Variants in C12orf76 observed in about 807,000 individuals in gnomAD.
C12orf76 encodes the protein uncharacterized protein C12orf76.
Under a neutral mutation model 6.8 loss-of-function variants are expected in C12orf76, and 6 were observed. The observed-to-expected ratio is 0.88, with a 90% CI of 0.48 to 1.73. The LOEUF (loss-of-function observed/expected upper bound fraction) is 1.73. C12orf76 is among the 40% of genes most tolerant of loss of function. The pLI, the probability that C12orf76 is intolerant of heterozygous loss-of-function variation, is 0.01. For synonymous variants in C12orf76, 56 were observed against 43.7 expected (o/e 1.28, Z -1.11); for missense variants, 99 against 98.2 (o/e 1.01, Z -0.03).
At chr12:110,071,054 C>T (rs1412161518), upstream of C12orf76, among the ~76,000 whole-genome samples, 2 of 152,212 alleles carry the variant, frequency 1.3e-5, no homozygotes, top group African/African-American at 4.8e-5. Flanking sequence ...GGATTACAGG[C>T]ATGAGCCACC....
At chr12:110,049,905 T>G (rs1593245148), upstream of C12orf76, 1 of 144,502 alleles carries the variant, frequency 6.9e-6, no homozygotes, top group Middle Eastern at 3.6e-3. Context: ...ATGCAGCCCC[T>G]GTCACGTACC....
chr12:110,055,012 A>G (rs1892645223), intron 4 of C12orf76, among the ~76,000 whole-genome samples: 1 of 152,164 alleles, frequency 6.6e-6, no homozygotes, highest in Non-Finnish European at 1.5e-5. Context: ...AATGAGATGA[A>G]GGATGAGTTT....
chr12:110,051,242 C>G (rs1219762709), upstream of C12orf76: 1 of 757,666 alleles, frequency 1.3e-6, no homozygotes, highest in Admixed American at 1.8e-5. Context: ...CAGGCCACTT[C>G]CGTTCCAATC....
chr12:110,049,237 A>G (rs980787312), upstream of C12orf76: 2 of 152,254 alleles, frequency 1.3e-5, no homozygotes, highest in African/African-American at 4.8e-5. Context: ...AAGTGAAACC[A>G]AAGACGGGCA....
At chr12:110,051,576 G>A (rs1323798576), upstream of C12orf76, among the ~76,000 whole-genome samples, 3 of 152,010 alleles carry the variant, frequency 2.0e-5, no homozygotes, top group East Asian at 1.9e-4. Context: ...ACAGGCGCAC[G>A]CCACCACACC....
At position 110,048,500 on chromosome 12, in the gene C12orf76, C is replaced by T; in HGVS notation, c.-5G>A. 4 of 1,428,500 alleles carry T rather than the reference C, an allele frequency of 2.8e-6. No individual in the cohort carries two copies. The highest frequency in any genetic ancestry group is 3.7e-6 in the Non-Finnish European group (4 of 1,091,564). 88.5% of individuals were successfully genotyped at this position (1,428,500 alleles called of 1,614,324 possible). A position where few individuals can be genotyped will look rare whatever the true frequency, so the allele number is the denominator to read the frequency against. On this transcript the variant is annotated 5_prime_UTR_variant, in exon 1 of 2. Transcript: ENST00000615315. ...CGGTAACGCTGGACGCAGCATCTTCCCCAGCCCTGCAGAAGCAGAGAGGCC... is the reference window on the plus strand; with the variant it reads ...CGGTAACGCTGGACGCAGCATCTTCTCCAGCCCTGCAGAAGCAGAGAGGCC...
intron 2 of C12orf76, among the ~76,000 whole-genome samples, chr12:110,065,164 A>T (rs1021387443): frequency 4.6e-5 from 7 of 151,586 alleles, no homozygotes; most frequent in Admixed American, 3.3e-4. Context: ...ATGTGCATAT[A>T]TATATATACA....
chr12:110,043,117 C>T (rs1892359252), intron 1 of C12orf76, among the ~76,000 whole-genome samples: 1 of 151,748 alleles, frequency 6.6e-6, no homozygotes, highest in African/African-American at 2.4e-5. Context: ...TGAGGCTCTG[C>T]AGGGAGCATG....
At chr12:110,065,733 G>C in intron 2 of C12orf76, 1 of 1,541,550 alleles carries the variant, frequency 6.5e-7, no homozygotes, top group Non-Finnish European at 9.0e-7. Context: ...AGAGCTTCTA[G>C]AAACATGAGT....
upstream of C12orf76, among the ~76,000 whole-genome samples, chr12:110,051,460 T>C (rs935381026): frequency 6.6e-6 from 1 of 151,942 alleles, no homozygotes; most frequent in African/African-American, 2.4e-5. Flanking sequence ...GGAGTCTTGC[T>C]CTGTCGCCCA....
At chr12:110,065,176 ATT>A (rs977683622) in intron 2 of C12orf76, among the ~76,000 whole-genome samples, 2 of 144,708 alleles carry the variant, frequency 1.4e-5, no homozygotes. Context: ...ATATATACAC[ATT>A]TTTTTTTTTT....
At chr12:110,053,400 G>A (rs1320940157), upstream of C12orf76, among the ~76,000 whole-genome samples, 1 of 152,176 alleles carries the variant, frequency 6.6e-6, no homozygotes, top group Non-Finnish European at 1.5e-5. Flanking sequence ...TCCGGAGGCT[G>A]AGGCAGGAGA....
At chr12:110,064,487 C>T (rs1892826555) in intron 2 of C12orf76, among the ~76,000 whole-genome samples, 1 of 152,096 alleles carries the variant, frequency 6.6e-6, no homozygotes, top group Non-Finnish European at 1.5e-5. Flanking sequence ...AGAATGGAAC[C>T]CAGCACATGC....
At chr12:110,071,762 C>T (rs998786992), upstream of C12orf76, among the ~76,000 whole-genome samples, 1 of 152,106 alleles carries the variant, frequency 6.6e-6, no homozygotes, top group Non-Finnish European at 1.5e-5. Context: ...CAATGAACTA[C>T]CACTGCACAC....
chr12:110,061,686 G>A (rs1205404317), intron 2 of C12orf76, among the ~76,000 whole-genome samples: 2 of 151,870 alleles, frequency 1.3e-5, no homozygotes, highest in Non-Finnish European at 2.9e-5. Flanking sequence ...ACAGGCATCT[G>A]CCCCCACGCT....
Position 110,044,961 on chromosome 12 carries a change from G to A in C12orf76, c.134-2502C>T, listed in dbSNP as rs573140436. Among the ~76,000 whole-genome samples, 17 of 152,058 alleles carry A rather than the reference G, an allele frequency of 1.1e-4. No individual in the cohort carries two copies. In the South Asian group the frequency reaches 2.7e-3, roughly 24 times the overall value. ...GCACTCCAGCCTGGGCAACAAGAGC[G>A]AAACTCCGTCTCAAAATAAAAAAAA... On this transcript the variant is annotated intron_variant, in intron 1 of 1. Coordinates refer to ENST00000615315, the MANE Select transcript of C12orf76 (RefSeq NM_001389625.1).
At chr12:110,066,106 G>A in intron 1 of C12orf76, 1 of 1,412,426 alleles carries the variant, frequency 7.1e-7, no homozygotes, top group Non-Finnish European at 9.2e-7. Context: ...TCAGGGGCAG[G>A]CCGGGCGCGG....
chr12:110,056,040 T>A (rs1356492029), intron 4 of C12orf76, among the ~76,000 whole-genome samples: 1 of 144,600 alleles, frequency 6.9e-6, no homozygotes, highest in South Asian at 2.2e-4. Flanking sequence ...GCCATTGCAC[T>A]CCAGCCTGGG....
In C12orf76 at chr12:110,041,920, T is replaced by TAA. The variant is rs202140938; in HGVS notation, c.*452_*453dup. 8 of 159,492 alleles carry TAA rather than the reference T, an allele frequency of 5.0e-5. No homozygotes were observed. Among genetic ancestry groups the TAA allele is most frequent in the East Asian group, 3.4e-4 (2 of 5,906 alleles). The allele number at this position is 159,492 out of a possible 1,614,324, so 9.9% of individuals were successfully genotyped here. On this transcript the variant is annotated 3_prime_UTR_variant, in exon 2 of 2. Transcript: ENST00000615315. The stretch of plus-strand genomic sequence containing the variant: ...CATTCTAGGCTAACTCAGGTGAGAT[T>TAA]AAAAAAAAAAATCTGTGATTCTTAA...
Sources: gnomAD v4.1 joint callset for allele counts (sites outside exome capture counted in the v4.1 genomes callset) on GRCh38, gnomAD v4.1.1 for gene constraint, MANE v1.5 for transcripts, NCBI Gene and HGNC (gene_info 2026-07-23, HGNC 2026-07-21) for gene names.